The following GRIN3B variants were observed in gnomAD, a reference collection of about 807,000 sequenced individuals.
GRIN3B encodes glutamate receptor ionotropic, NMDA 3B.
In GRIN3B, 77 loss-of-function variants were observed where a neutral mutation model predicts 66.0. The observed-to-expected ratio is 1.17, with a 90% CI of 0.97 to 1.41. The LOEUF (loss-of-function observed/expected upper bound fraction) is 1.41, where lower values mean the gene tolerates loss of function less well. Ranked by LOEUF, GRIN3B falls within the 40% of genes most tolerant of loss-of-function variation. GRIN3B has a pLI of 0.00. For synonymous variants in GRIN3B, 823 were observed against 749.7 expected (o/e 1.10, Z -1.60); for missense variants, 1,787 against 1,564.5 (o/e 1.14, Z -2.40).
Position 1,008,697 on chromosome 19 carries a change from C to A in GRIN3B, c.2546C>A (p.Ser849Ter), listed in dbSNP as rs1184589445. ...CLGLGSALLS[S>*]LGEHAFFRLA... ...GGCCTGGGCAGCGCTCTGCTCAGCTCGCTGGGCGAGCACGCCTTCTTCCGC... is the reference window on the plus strand; with the variant it reads ...GGCCTGGGCAGCGCTCTGCTCAGCTAGCTGGGCGAGCACGCCTTCTTCCGC... Residue 849 changes from serine to a stop codon, truncating the protein, a stop_gained, in exon 7 of 9, where the codon TCG (serine) becomes TAG (stop). Transcript: ENST00000234389. LOFTEE classifies it high-confidence loss of function. 2 of 1,607,506 alleles carry A rather than the reference C, an allele frequency of 1.2e-6. No homozygotes were observed. The highest frequency in any genetic ancestry group is 3.3e-4 in the Middle Eastern group (2 of 6,046).
In GRIN3B at chr19:1,003,612, G is replaced by T; in HGVS notation, c.909G>T (p.Ala303=). The stretch of plus-strand genomic sequence containing the variant: ...ACATTGTGCAACTGGTGGCCCGGGC[G>T]CTGGGCAGTGCGGCCCAGGTGCAGC... ...IHDIVQLVAR[A]LGSAAQVQPK... Residue 303 remains alanine (A), a synonymous_variant, in exon 2 of 9, where the codon GCG becomes GCT. Coordinates refer to ENST00000234389, the MANE Select transcript of GRIN3B (RefSeq NM_138690.3). 1.4e-6 allele frequency: 2 copies of T among 1,448,374 alleles called. No individual in the cohort carries two copies. Among genetic ancestry groups the T allele is most frequent in the Non-Finnish European group, 1.8e-6 (2 of 1,105,140 alleles). 89.7% of individuals were successfully genotyped at this position (1,448,374 alleles called of 1,614,324 possible).
At chr19:1,008,571 G>T in intron 6 of GRIN3B, 47 bp from the exon 7 acceptor site, 1 of 1,570,926 alleles carries the variant, frequency 6.4e-7, no homozygotes, top group East Asian at 2.3e-5. Flanking sequence ...CTCCCCAGGG[G>T]CCTGCCATTA....
Position 1,007,272 on chromosome 19 carries a change from T to C in GRIN3B, c.2053-356T>C, listed in dbSNP as rs1162212764. 6.6e-6 allele frequency among the ~76,000 whole-genome samples: 1 copy of C among 150,474 alleles called. No individual in the cohort carries two copies. Among genetic ancestry groups the C allele is most frequent in the Non-Finnish European group, 1.5e-5 (1 of 67,544 alleles). On this transcript the variant is annotated intron_variant, in intron 3 of 8. Coordinates refer to ENST00000234389, the MANE Select transcript of GRIN3B (RefSeq NM_138690.3). This position sits in a 1 kb window ranked among gnomAD's most constrained non-coding sequence, Gnocchi z 4.4. ...CAGATCAGGAGTGGGGTCATGGACA[T>C]GTTAGAGTGGGGCTCCCGTGGGACC...
At position 1,005,394 on chromosome 19, in the gene GRIN3B, C is replaced by T. The variant is rs529692764; in HGVS notation, c.1893C>T (p.Thr631=). The T allele has an allele frequency of 6.6e-5, 106 of 1,613,724 alleles. No homozygotes were observed. The South Asian group carries it at 1.0e-3, about 15-fold the overall frequency. Residue 631 remains threonine (T), a synonymous_variant, in exon 3 of 9, where the codon ACC becomes ACT. Transcript: ENST00000234389. The surrounding 1 kb of genome is among the most constrained non-coding windows in gnomAD (Gnocchi z 5.2). ...GCTACGCCATCCTCTTCAGACGCACCGTGTCCAGCAAGACGCCCAAGTGCC... is the reference window on the plus strand; with the variant it reads ...GCTACGCCATCCTCTTCAGACGCACTGTGTCCAGCAAGACGCCCAAGTGCC... The part of the protein sequence containing the change: ...NLCYAILFRR[T]VSSKTPKCPT...
At position 1,005,799 on chromosome 19, in the gene GRIN3B, G is replaced by T. The variant is rs933456556; in HGVS notation, c.2052+246G>T. Reference sequence around the variant, plus strand: ...CAGATCACCTGAAGTCAGGAGTCTCGAACTGGAGCCTGGCCAACATGGTGA... The same window carrying T: ...CAGATCACCTGAAGTCAGGAGTCTCTAACTGGAGCCTGGCCAACATGGTGA... On this transcript the variant is annotated intron_variant, in intron 3 of 8. Coordinates refer to ENST00000234389, the MANE Select transcript of GRIN3B (RefSeq NM_138690.3). This position sits in a 1 kb window ranked among gnomAD's most constrained non-coding sequence, Gnocchi z 5.2. 7.2e-5 allele frequency among the ~76,000 whole-genome samples: 11 copies of T among 152,154 alleles called. No individual in the cohort carries two copies. Among genetic ancestry groups the T allele is most frequent in the African/African-American group, 2.4e-4 (10 of 41,536 alleles).
Position 1,008,910 on chromosome 19 carries a change from G to T in GRIN3B, c.2685G>T (p.Thr895=). ...CACCAGAGGGGTCGAAGGAGGAGAC[G>T]GCAGAGGCGGAGCCCAGGTAAGTGG... The part of the protein sequence containing the change: ...TEPPEGSKEE[T]AEAEPSGPEV... The change falls in exon 8 of 9, where the codon ACG becomes ACT. Residue 895 remains threonine (T), a synonymous_variant. Transcript: ENST00000234389. 1 of 1,609,142 alleles carries T rather than the reference G, an allele frequency of 6.2e-7. No individual in the cohort carries two copies. Among genetic ancestry groups the T allele is most frequent in the Non-Finnish European group, 8.5e-7 (1 of 1,178,196 alleles).
rs1283447022 is a variant in GRIN3B, at chr19:1,003,325, CG to C, written c.625del (p.Asp209ThrfsTer148). ...ACAGCTGGTCCTGGACCTAAGCCGG[CG>C]GGACACGGGAGATGCAGGACTGCGG... ...PPQLVLDLSR[R>X]DTGDAGLRAR... On this transcript the variant is annotated frameshift_variant, in exon 2 of 9. Transcript: ENST00000234389. LOFTEE classifies it high-confidence loss of function. 6.4e-6 allele frequency: 10 copies of C among 1,571,236 alleles called. No individual in the cohort carries two copies. The highest frequency in any genetic ancestry group is 8.6e-6 in the Non-Finnish European group (10 of 1,161,320).
Position 1,003,279 on chromosome 19 carries a change from A to G in GRIN3B, c.576A>G (p.Thr192=). The G allele has an allele frequency of 6.4e-7, 1 of 1,571,858 alleles. No homozygotes were observed. The highest frequency in any genetic ancestry group is 8.6e-7 in the Non-Finnish European group (1 of 1,160,744). ...CCGGCGGCCTGGTGGCCCTCTGGAC[A>G]AGCCGGGCTGGCCGGCCCCCACAGC... ...QDPGGLVALW[T]SRAGRPPQLV... Residue 192 remains threonine (T), a synonymous_variant, in exon 2 of 9, where the codon ACA becomes ACG. Transcript: ENST00000234389.
chr19:1,000,831 C>A lies in GRIN3B; in HGVS notation c.394C>A (p.Arg132=). 1 of 1,438,968 alleles carries A rather than the reference C, an allele frequency of 6.9e-7. No homozygotes were observed. The highest frequency in any genetic ancestry group is 9.1e-7 in the Non-Finnish European group (1 of 1,102,742). 89.1% of individuals were successfully genotyped at this position (1,438,968 alleles called of 1,614,324 possible). ...ATETPVLSLL[R]REARAPLGAP... The stretch of plus-strand genomic sequence containing the variant: ...CGAGACCCCCGTGCTCAGCCTGCTG[C>A]GGCGGGAGGCGCGCGCGCCCCTCGG... Residue 132 remains arginine (R), a synonymous_variant, in exon 1 of 9, where the codon CGG becomes AGG. Coordinates refer to ENST00000234389, the MANE Select transcript of GRIN3B (RefSeq NM_138690.3).
Position 1,007,728 on chromosome 19 carries a change from G to T in GRIN3B, c.2153G>T (p.Arg718Leu). Residue 718 changes from arginine (R) to leucine (L), a missense_variant, in exon 4 of 9, where the codon CGG becomes CTG. Transcript: ENST00000234389. The surrounding 1 kb of genome is among the most constrained non-coding windows in gnomAD (Gnocchi z 4.4). The part of the protein sequence containing the change: ...KSFPDMHAHM[R>L]RHSAPTTPRG... ...TTCCCCGACATGCACGCACACATGCGGCGCCACAGCGCGCCCACCACGCCC... is the reference window on the plus strand; with the variant it reads ...TTCCCCGACATGCACGCACACATGCTGCGCCACAGCGCGCCCACCACGCCC... The T allele has an allele frequency of 6.5e-7, 1 of 1,528,958 alleles. No homozygotes were observed. Among genetic ancestry groups the T allele is most frequent in the Non-Finnish European group, 8.8e-7 (1 of 1,139,312 alleles). 94.7% of individuals were successfully genotyped at this position (1,528,958 alleles called of 1,614,324 possible). A position where few individuals can be genotyped will look rare whatever the true frequency, so the allele number is the denominator to read the frequency against.
rs1310721133 is a variant in GRIN3B at position 1,000,501 on chromosome 19, G to A, written c.64G>A (p.Gly22Ser). Residue 22 changes from glycine (G) to serine (S), a missense_variant, in exon 1 of 9, where the codon GGC (glycine) becomes AGC (serine). Gly to Ser is a moderately conservative substitution (Grantham distance 56). Transcript: ENST00000234389. Reference sequence around the variant, plus strand: ...GGCGCTGGGGCCGGGGTCCGCGGGGGGCCACCCTCAGCCGTGCGGCGTCCT... The same window carrying A: ...GGCGCTGGGGCCGGGGTCCGCGGGGAGCCACCCTCAGCCGTGCGGCGTCCT... Reference protein sequence around the residue: ...ALALGPGSAGGHPQPCGVLAR... With the variant: ...ALALGPGSAGSHPQPCGVLAR... 8 of 1,200,064 alleles carry A rather than the reference G, an allele frequency of 6.7e-6. No homozygotes were observed. The South Asian group carries it at 1.2e-4, about 19-fold the overall frequency. 74.3% of individuals were successfully genotyped at this position (1,200,064 alleles called of 1,614,324 possible). A position where few individuals can be genotyped will look rare whatever the true frequency, so the allele number is the denominator to read the frequency against.
chr19:1,004,312 T>C (rs10406983), intron 2 of GRIN3B, among the ~76,000 whole-genome samples: 15,207 of 151,684 alleles, frequency 0.1, 866 homozygotes, highest in Middle Eastern at 0.22. Context: ...GTATGTGGAG[T>C]GGGGGCACAG....
chr19:1,008,078 T>A, intron 5 of GRIN3B, 62 bp from the exon 6 acceptor site: 1 of 1,564,992 alleles, frequency 6.4e-7, no homozygotes, highest in East Asian at 2.3e-5. Context: ...ATCCCACGTG[T>A]GCGGGCAGAG....
In GRIN3B at chr19:1,008,646, C is replaced by G. The variant is rs78914045; in HGVS notation, c.2495C>G (p.Ala832Gly). 6.2e-7 allele frequency: 1 copy of G among 1,601,920 alleles called. No individual in the cohort carries two copies. Among genetic ancestry groups the G allele is most frequent in the Non-Finnish European group, 8.5e-7 (1 of 1,179,482 alleles). ...ETLQMSIYHF[A>G]GLFVLLCLGL... is the part of the protein sequence containing the mutation. ...CTGCAGATGAGCATCTACCACTTCG[C>G]GGGCCTCTTCGTGTTGCTGTGCCTG... The change falls in exon 7 of 9, where the codon GCG becomes GGG. Residue 832 changes from alanine to glycine, a missense_variant. Transcript: ENST00000234389.
In GRIN3B at chr19:1,005,462, T is replaced by G; in HGVS notation, c.1961T>G (p.Leu654Arg). 1 of 1,613,462 alleles carries G rather than the reference T, an allele frequency of 6.2e-7. No homozygotes were observed. The highest frequency in any genetic ancestry group is 8.5e-7 in the Non-Finnish European group (1 of 1,179,972). The stretch of plus-strand genomic sequence containing the variant: ...ATGAACCTCTGGGCCATCTTCTGCC[T>G]GCTGGTGCTGTCCAGCTACACGGCC... ...LLMNLWAIFCLLVLSSYTANL... is the reference protein window; with the variant it reads ...LLMNLWAIFCRLVLSSYTANL... The change falls in exon 3 of 9, where the codon CTG (leucine) becomes CGG (arginine). Residue 654 changes from leucine to arginine, a missense_variant. Transcript: ENST00000234389. The surrounding 1 kb of genome is among the most constrained non-coding windows in gnomAD (Gnocchi z 5.2).
At chr19:1,006,585 G>C (rs931833389) in intron 3 of GRIN3B, among the ~76,000 whole-genome samples, 1 of 152,152 alleles carries the variant, frequency 6.6e-6, no homozygotes, top group South Asian at 2.1e-4. Context: ...GGGATTAGAC[G>C]TGAGCCATCG....
Position 1,000,613 on chromosome 19 carries a change from G to T in GRIN3B, c.176G>T (p.Arg59Leu). Residue 59 changes from arginine to leucine, a missense_variant, in exon 1 of 9, where the codon CGG becomes CTG. By Grantham distance (102) the Arg-to-Leu change is moderately radical. Coordinates refer to ENST00000234389, the MANE Select transcript of GRIN3B (RefSeq NM_138690.3). ...ARARARAALA[R>L]AALAPRLPHN... is the part of the protein sequence containing the mutation. ...GCCCGCGCCCGCGCCGCCCTGGCCC[G>T]GGCCGCCCTGGCGCCGCGGCTGCCG... 1.8e-6 allele frequency: 2 copies of T among 1,118,850 alleles called. No individual in the cohort carries two copies. The highest frequency in any genetic ancestry group is 1.7e-5 in the African/African-American group (1 of 59,474). 69.3% of individuals were successfully genotyped at this position (1,118,850 alleles called of 1,614,324 possible). A position where few individuals can be genotyped will look rare whatever the true frequency, so the allele number is the denominator to read the frequency against.
At chr19:1,002,170 A>C (rs1237786373) in intron 1 of GRIN3B, 1 of 152,192 alleles carries the variant, frequency 6.6e-6, no homozygotes, top group Non-Finnish European at 1.5e-5. Context: ...CTCTACAAAA[A>C]ATACAAAAAT....
Position 1,003,311 on chromosome 19 carries a change from T to C in GRIN3B, c.608T>C (p.Leu203Pro). Residue 203 changes from leucine to proline, a missense_variant, in exon 2 of 9, where the codon CTG (leucine) becomes CCG (proline). Leu to Pro is a moderately conservative substitution (Grantham distance 98). Transcript: ENST00000234389. Reference sequence around the variant, plus strand: ...GCTGGCCGGCCCCCACAGCTGGTCCTGGACCTAAGCCGGCGGGACACGGGA... The same window carrying C: ...GCTGGCCGGCCCCCACAGCTGGTCCCGGACCTAAGCCGGCGGGACACGGGA... ...SRAGRPPQLV[L>P]DLSRRDTGDA... is the part of the protein sequence containing the mutation. 1 of 1,574,888 alleles carries C rather than the reference T, an allele frequency of 6.3e-7. No homozygotes were observed. The highest frequency in any genetic ancestry group is 8.6e-7 in the Non-Finnish European group (1 of 1,162,702).
Sources: allele counts gnomAD v4.1 joint callset (sites outside exome capture counted in the v4.1 genomes callset), GRCh38; gene constraint gnomAD v4.1.1; non-coding constraint Gnocchi (gnomAD v3.1); transcripts MANE v1.5; gene names NCBI Gene and HGNC (gene_info 2026-07-23, HGNC 2026-07-21).